NFILZ: variants seen among roughly 807,000 people sequenced by gnomAD.
NFILZ encodes NFIL3 like basic leucine zipper, also known as NFIL3 like protein.
chr19:8,654,454 CA>C (rs1242216895), intron 3 of NFILZ, among the ~76,000 whole-genome samples: 1 of 151,518 alleles, frequency 6.6e-6, no homozygotes. Flanking sequence ...CCCATCTCTA[CA>C]AACCAGAAAA....
chr19:8,652,991 C>T (rs1339253456), intron 3 of NFILZ, among the ~76,000 whole-genome samples: 6,728 of 34,376 alleles, frequency 0.2, 947 homozygotes, highest in East Asian at 0.25. Flanking sequence ...TTCCTTCCTT[C>T]CTTCCTTCCT....
At chr19:8,665,895 A>G (rs1220289536) in intron 3 of NFILZ, among the ~76,000 whole-genome samples, 1 of 152,176 alleles carries the variant, frequency 6.6e-6, no homozygotes, top group African/African-American at 2.4e-5. Flanking sequence ...GTGTTAAGAA[A>G]TCTTACACTC....
chr19:8,676,603 G>A (rs782474565), intron 5 of NFILZ, among the ~76,000 whole-genome samples, 147 bp downstream of exon 5: 3 of 152,202 alleles, frequency 2.0e-5, no homozygotes, highest in Non-Finnish European at 4.4e-5. Context: ...GCATCAAACA[G>A]ATGAAGATCG....
intron 2 of NFILZ, among the ~76,000 whole-genome samples, chr19:8,633,260 G>A (rs191973827): frequency 9.3e-4 from 141 of 152,120 alleles, no homozygotes; most frequent in African/African-American, 3.3e-3. Context: ...GACCTAAGGC[G>A]ATGCACCCAC....
rs1386621792 is a variant in NFILZ at position 8,656,396 on chromosome 19, G to GCCCACCTTCTCTCTGAAA, written c.-163-18147_-163-18130dup. Among the ~76,000 whole-genome samples, 98 of 79,540 alleles carry GCCCACCTTCTCTCTGAAA rather than the reference G, an allele frequency of 1.2e-3. 1 individual carries two copies. The highest frequency in any genetic ancestry group is 2.3e-3 in the Non-Finnish European group (84 of 36,216). 52.2% of individuals were successfully genotyped at this position (79,540 alleles called of 152,430 possible). On this transcript the variant is annotated intron_variant, in intron 3 of 5. Transcript: ENST00000691075. Reference sequence around the variant, plus strand: ...TCCCTGAAGCCCACCTTCTCCCGCAGCCCACCTTCTCTCTGAAACCCACCT... The same window carrying GCCCACCTTCTCTCTGAAA: ...TCCCTGAAGCCCACCTTCTCCCGCAGCCCACCTTCTCTCTGAAACCCACCTTCTCTCTGAAACCCACCT...
intron 3 of NFILZ, among the ~76,000 whole-genome samples, chr19:8,642,878 C>T (rs1314879419): frequency 2.6e-5 from 4 of 151,820 alleles, no homozygotes; most frequent in Non-Finnish European, 4.4e-5. Flanking sequence ...CTTCCCACTC[C>T]CCAATCTGTC....
chr19:8,679,715 C>A lies in NFILZ; in HGVS notation c.*2080C>A, dbSNP rs2043136639. On this transcript the variant is annotated 3_prime_UTR_variant, in exon 6 of 6. Coordinates refer to ENST00000691075, the MANE Select transcript of NFILZ (RefSeq NM_001378600.1). Reference sequence around the variant, plus strand: ...GGATTGGGCAAGATCAGCCCTTCTCCTTCCCTCCATGCCTGACCTTCCAGC... The same window carrying A: ...GGATTGGGCAAGATCAGCCCTTCTCATTCCCTCCATGCCTGACCTTCCAGC... Among the ~76,000 whole-genome samples, 6 of 152,230 alleles carry A rather than the reference C, an allele frequency of 3.9e-5. No homozygotes were observed. The highest frequency in any genetic ancestry group is 3.4e-3 in the Middle Eastern group (1 of 294).
chr19:8,659,623 T>A (rs2043020625), intron 3 of NFILZ, among the ~76,000 whole-genome samples: 1 of 152,166 alleles, frequency 6.6e-6, no homozygotes, highest in African/African-American at 2.4e-5. Flanking sequence ...CATAATCTGA[T>A]ATGCATGGTA....
In NFILZ at chr19:8,678,108, T is replaced by C. The variant is rs373460953; in HGVS notation, c.*473T>C. On this transcript the variant is annotated 3_prime_UTR_variant, in exon 6 of 6. Coordinates refer to ENST00000691075, the MANE Select transcript of NFILZ (RefSeq NM_001378600.1). ...TCCATCCATTCCATCCATCCATCCA[T>C]CCATCCATCCATCCATCCCTCCATC... is the stretch of plus-strand genomic sequence containing the variant. Among the ~76,000 whole-genome samples the C allele has an allele frequency of 3.9e-5, 5 of 127,516 alleles. No homozygotes were observed. The highest frequency in any genetic ancestry group is 8.0e-5 in the Admixed American group (1 of 12,484). The allele number at this position is 127,516 out of a possible 152,430, so 83.7% of individuals were successfully genotyped here.
At chr19:8,633,352 C>T (rs2042879280) in intron 2 of NFILZ, among the ~76,000 whole-genome samples, 1 of 152,222 alleles carries the variant, frequency 6.6e-6, no homozygotes, top group South Asian at 2.1e-4. Flanking sequence ...CTTGCTTTCA[C>T]TTTACTCCGT....
rs1568426387 is a variant in NFILZ at position 8,678,127 on chromosome 19, C to CCTTTCATCCATTCATCCACTTGTCCA, written c.*492_*493insCTTTCATCCATTCATCCACTTGTCCA. On this transcript the variant is annotated 3_prime_UTR_variant, in exon 6 of 6. Coordinates refer to ENST00000691075, the MANE Select transcript of NFILZ (RefSeq NM_001378600.1). ...CATCCATCCATCCATCCATCCATCC[C>CCTTTCATCCATTCATCCACTTGTCCA]TCCATCCATTCATCCACTTGTCCGT... Among the ~76,000 whole-genome samples the CCTTTCATCCATTCATCCACTTGTCCA allele has an allele frequency of 7.3e-5, 1 of 13,680 alleles. No individual in the cohort carries two copies. The allele number at this position is 13,680 out of a possible 152,430, so 9.0% of individuals were successfully genotyped here.
Position 8,647,777 on chromosome 19 carries a change from ATG to A in NFILZ, c.-164+12032_-164+12033del, listed in dbSNP as rs1491371159. On this transcript the variant is annotated intron_variant, in intron 3 of 5. Transcript: ENST00000691075. ...CACACACACACACACACACGCACAC[ATG>A]CGCGCGCGCGCGCGCGCACACACAC... 1.1e-3 allele frequency among the ~76,000 whole-genome samples: 74 copies of A among 66,402 alleles called. 1 individual carries two copies. The highest frequency in any genetic ancestry group is 2.4e-3 in the South Asian group (4 of 1,640). The allele number at this position is 66,402 out of a possible 152,430, so 43.6% of individuals were successfully genotyped here. A position where few individuals can be genotyped will look rare whatever the true frequency, so the allele number is the denominator to read the frequency against.
intron 3 of NFILZ, among the ~76,000 whole-genome samples, chr19:8,669,992 G>A (rs1246606122): frequency 1.3e-5 from 2 of 152,170 alleles, no homozygotes; most frequent in African/African-American, 4.8e-5. Flanking sequence ...GATTCTCCAC[G>A]GATGTTAAGG....
At chr19:8,660,584 CTT>C (rs1568422576) in intron 3 of NFILZ, among the ~76,000 whole-genome samples, 7,266 of 134,194 alleles carry the variant, frequency 0.054, 346 homozygotes, top group East Asian at 0.27. Context: ...TCCCTCCCTC[CTT>C]CCTTCCTTCC....
At chr19:8,657,319 G>A (rs1158975202) in intron 3 of NFILZ, among the ~76,000 whole-genome samples, 4 of 151,836 alleles carry the variant, frequency 2.6e-5, no homozygotes, top group African/African-American at 9.7e-5. Context: ...GGCCAGGATG[G>A]TCTCGATCTC....
chr19:8,668,775 T>C (rs2043074036), intron 3 of NFILZ, among the ~76,000 whole-genome samples: 1 of 152,156 alleles, frequency 6.6e-6, no homozygotes, highest in Non-Finnish European at 1.5e-5. Flanking sequence ...TTCCCACCAT[T>C]TCTCAGTGTC....
chr19:8,677,489 G>A lies in NFILZ; in HGVS notation c.724G>A (p.Gly242Ser), dbSNP rs1449385282. Residue 242 changes from glycine (G) to serine (S), a missense_variant, in exon 6 of 6, where the codon GGT becomes AGT. Gly to Ser is a moderately conservative substitution (Grantham distance 56). Coordinates refer to ENST00000691075, the MANE Select transcript of NFILZ (RefSeq NM_001378600.1). ...GCTGACACCCACTGCTGATCCCATGGGTCTGTCTCCTGGGGTGACCTGCCC... is the reference window on the plus strand; with the variant it reads ...GCTGACACCCACTGCTGATCCCATGAGTCTGTCTCCTGGGGTGACCTGCCC... Reference protein sequence around the residue: ...VLLTPTADPMGLSPGVTCPAP... With the variant: ...VLLTPTADPMSLSPGVTCPAP... 6.6e-6 allele frequency: 1 copy of A among 152,276 alleles called. No homozygotes were observed. The highest frequency in any genetic ancestry group is 1.9e-4 in the East Asian group (1 of 5,186). The allele number at this position is 152,276 out of a possible 1,614,324, so 9.4% of individuals were successfully genotyped here.
chr19:8,652,995 C>CTTTCTTTCTTT (rs1600145512), intron 3 of NFILZ, among the ~76,000 whole-genome samples: 29 of 42,536 alleles, frequency 6.8e-4, no homozygotes, highest in East Asian at 3.3e-3. Flanking sequence ...TTCCTTCCTT[C>CTTTCTTTCTTT]CTTCCTTCCT....
intron 2 of NFILZ, among the ~76,000 whole-genome samples, chr19:8,635,424 C>T (rs2042890333): frequency 6.6e-6 from 1 of 152,084 alleles, no homozygotes; most frequent in African/African-American, 2.4e-5. Flanking sequence ...CAGTCCCAGC[C>T]CCTGGCCCCT....
Sources: gnomAD v4.1 joint callset for allele counts (sites outside exome capture counted in the v4.1 genomes callset) on GRCh38, gnomAD v4.1.1 for gene constraint, MANE v1.5 for transcripts, NCBI Gene and HGNC (gene_info 2026-07-23, HGNC 2026-07-21) for gene names.